CPPED1: variants seen among roughly 807,000 people sequenced by gnomAD.
The protein encoded by CPPED1 is calcineurin like phosphoesterase domain containing 1, also known as serine/threonine-protein phosphatase CPPED1.
Under a neutral mutation model 28.0 loss-of-function variants are expected in CPPED1, and 28 were observed. That is an observed-to-expected ratio of 1.00 (90% confidence interval 0.74 to 1.37). The LOEUF (loss-of-function observed/expected upper bound fraction) is 1.37. Ranked by LOEUF, CPPED1 falls within the 40% of genes most tolerant of loss-of-function variation. The pLI, the probability that CPPED1 is intolerant of heterozygous loss-of-function variation, is 0.00. For missense variants in CPPED1, 504 were observed against 416.5 expected, an observed-to-expected ratio of 1.21 and a Z score of -1.83; for synonymous variants, 198 against 180.2, an observed-to-expected ratio of 1.10 and a Z score of -0.79.
intron 3 of CPPED1, among the ~76,000 whole-genome samples, chr16:12,698,431 AT>A (rs200822659): frequency 3.3e-5 from 5 of 151,922 alleles, no homozygotes; most frequent in East Asian, 1.9e-4. Context: ...AAAACTTTGA[AT>A]TTTTTTTATT....
intron 3 of CPPED1, among the ~76,000 whole-genome samples, chr16:12,702,105 T>TG (rs1279021775): frequency 6.6e-6 from 1 of 152,088 alleles, no homozygotes; most frequent in Non-Finnish European, 1.5e-5. Context: ...CTGGGATAAT[T>TG]GGAGACACAG....
chr16:12,771,505 C>T (rs897198391), intron 2 of CPPED1, among the ~76,000 whole-genome samples: 4 of 152,252 alleles, frequency 2.6e-5, no homozygotes, highest in African/African-American at 7.2e-5. Context: ...CCTTTAGGAA[C>T]TTGGAACTAA....
intron 2 of CPPED1, among the ~76,000 whole-genome samples, chr16:12,732,442 C>T (rs1022555771): frequency 1.5e-4 from 22 of 150,364 alleles, no homozygotes; most frequent in African/African-American, 5.1e-4. Flanking sequence ...AGCTCCCCTG[C>T]CCACACACAA....
At chr16:12,773,100 G>A (rs1321798314) in intron 2 of CPPED1, among the ~76,000 whole-genome samples, 2 of 152,116 alleles carry the variant, frequency 1.3e-5, no homozygotes, top group African/African-American at 2.4e-5. Flanking sequence ...TAGGTAAGGG[G>A]TTATGTACAA....
chr16:12,689,916 GACACTTGATT>G (rs2079953504), intron 3 of CPPED1, among the ~76,000 whole-genome samples: 1 of 152,180 alleles, frequency 6.6e-6, no homozygotes, highest in Admixed American at 6.5e-5. Flanking sequence ...AAACCAAGTC[GACACTTGATT>G]ACCTCTCTGT....
chr16:12,672,136 A>C (rs1389064131), intron 3 of CPPED1, among the ~76,000 whole-genome samples: 2 of 152,266 alleles, frequency 1.3e-5, no homozygotes, highest in Non-Finnish European at 2.9e-5. Context: ...TGTCTGCAAC[A>C]CTACAAAATT....
intron 2 of CPPED1, among the ~76,000 whole-genome samples, chr16:12,759,707 G>C (rs1011785071): frequency 2.0e-5 from 3 of 152,202 alleles, no homozygotes; most frequent in African/African-American, 7.2e-5. Flanking sequence ...GTTCTCACAA[G>C]ACCTGATGGT....
chr16:12,703,753 T>G (rs2080032974), intron 3 of CPPED1, among the ~76,000 whole-genome samples: 1 of 148,612 alleles, frequency 6.7e-6, no homozygotes, highest in Non-Finnish European at 1.5e-5. Flanking sequence ...GACACAACAG[T>G]TGTCAAAACT....
At chr16:12,706,560 A>G (rs925507349) in intron 2 of CPPED1, among the ~76,000 whole-genome samples, 2 of 149,128 alleles carry the variant, frequency 1.3e-5, no homozygotes, top group African/African-American at 4.9e-5. Context: ...TTCACCGAAA[A>G]AAAAAAAAAA....
At chr16:12,692,670 C>T (rs972530043) in intron 3 of CPPED1, among the ~76,000 whole-genome samples, 6 of 152,142 alleles carry the variant, frequency 3.9e-5, no homozygotes, top group African/African-American at 9.7e-5. Context: ...TGGGAGCAGC[C>T]GCTGACAATA....
At chr16:12,704,144 G>T (rs1264888192) in intron 3 of CPPED1, among the ~76,000 whole-genome samples, 2 of 152,180 alleles carry the variant, frequency 1.3e-5, no homozygotes, top group African/African-American at 4.8e-5. Flanking sequence ...AAGATCGTCT[G>T]CCCTTGAGCA....
At position 12,758,877 on chromosome 16, in the gene CPPED1, T is replaced by G. The variant is rs182372022; in HGVS notation, c.289+22308A>C. Among the ~76,000 whole-genome samples, 15 of 151,904 alleles carry G rather than the reference T, an allele frequency of 9.9e-5. No homozygotes were observed. In the East Asian group the frequency reaches 2.9e-3, roughly 30 times the overall value. On this transcript the variant is annotated intron_variant, in intron 2 of 3. Transcript: ENST00000381774. ...GCAATGACAACAGCAACAACAAAAA[T>G]AGAGGCTGGGTGTGGTGGCTCATGC... is the stretch of plus-strand genomic sequence containing the variant.
At chr16:12,729,305 G>A (rs2080185592) in intron 2 of CPPED1, among the ~76,000 whole-genome samples, 1 of 152,098 alleles carries the variant, frequency 6.6e-6, no homozygotes, top group African/African-American at 2.4e-5. Flanking sequence ...ATATTACAAG[G>A]TTAATTTGGG....
chr16:12,797,355 AACC>A (rs1426845860), intron 1 of CPPED1, among the ~76,000 whole-genome samples: 1 of 152,198 alleles, frequency 6.6e-6, no homozygotes, highest in African/African-American at 2.4e-5. Flanking sequence ...GTTCAAGACT[AACC>A]TGAGTGACAC....
chr16:12,674,162 A>G (rs999996057), intron 3 of CPPED1, among the ~76,000 whole-genome samples: 1 of 152,188 alleles, frequency 6.6e-6, no homozygotes, highest in Admixed American at 6.5e-5. Context: ...CCAATGAGGA[A>G]CTTGGCCTTC....
intron 2 of CPPED1, among the ~76,000 whole-genome samples, chr16:12,705,656 G>T (rs1247000055): frequency 1.3e-5 from 2 of 152,174 alleles, no homozygotes; most frequent in African/African-American, 4.8e-5. Flanking sequence ...TACTCGGCAG[G>T]GTGAGGCAGG....
intron 3 of CPPED1, among the ~76,000 whole-genome samples, chr16:12,698,433 T>A (rs1474054296): frequency 2.0e-5 from 3 of 152,256 alleles, no homozygotes; most frequent in Non-Finnish European, 2.9e-5. Flanking sequence ...AACTTTGAAT[T>A]TTTTTTATTT....
chr16:12,730,537 C>T (rs955599451), intron 2 of CPPED1, among the ~76,000 whole-genome samples: 9 of 152,088 alleles, frequency 5.9e-5, no homozygotes, highest in Non-Finnish European at 1.3e-4. Flanking sequence ...GTAGAAATAA[C>T]CTAGAGATCC....
chr16:12,744,993 T>C (rs2080278081), intron 2 of CPPED1, among the ~76,000 whole-genome samples: 1 of 151,738 alleles, frequency 6.6e-6, no homozygotes, highest in South Asian at 2.1e-4. Context: ...GTCTCAAAAA[T>C]ACAAAAGTAA....
Sources: allele counts gnomAD v4.1 joint callset (sites outside exome capture counted in the v4.1 genomes callset), GRCh38; gene constraint gnomAD v4.1.1; transcripts MANE v1.5; gene names NCBI Gene and HGNC (gene_info 2026-07-23, HGNC 2026-07-21).